Variants in PITPNC1 observed in about 807,000 individuals in gnomAD.
The protein encoded by PITPNC1 is phosphatidylinositol transfer protein cytoplasmic 1, also known as cytoplasmic phosphatidylinositol transfer protein 1.
In PITPNC1, 18 loss-of-function variants were observed where a neutral mutation model predicts 44.7. That is an observed-to-expected ratio of 0.40 (90% CI 0.28 to 0.60). PITPNC1 has a LOEUF of 0.60. PITPNC1 is among the 20% of genes least tolerant of loss of function. The pLI is 0.39. For missense variants in PITPNC1, 290 were observed against 418.4 expected, an observed-to-expected ratio of 0.69 and a Z score of 2.68; for synonymous variants, 141 against 149.6, an observed-to-expected ratio of 0.94 and a Z score of 0.42.
intron 6 of PITPNC1, among the ~76,000 whole-genome samples, chr17:67,647,991 G>A (rs982065055): frequency 3.9e-5 from 6 of 152,202 alleles, no homozygotes; most frequent in Non-Finnish European, 8.8e-5. Flanking sequence ...TGCATTTGGA[G>A]AAACAAAATG....
chr17:67,385,498 C>G (rs569353886), intron 1 of PITPNC1, among the ~76,000 whole-genome samples: 3 of 147,816 alleles, frequency 2.0e-5, no homozygotes, highest in African/African-American at 7.4e-5. Flanking sequence ...TCCCCTCCCC[C>G]CAGGCACCTT....
In PITPNC1 at chr17:67,546,409, T is replaced by C. The variant is rs542556574; in HGVS notation, c.198-5848T>C. Among the ~76,000 whole-genome samples the C allele has an allele frequency of 2.0e-5, 3 of 152,224 alleles. No homozygotes were observed. In the East Asian group the frequency reaches 5.8e-4, roughly 29 times the overall value. On this transcript the variant is annotated intron_variant, in intron 2 of 8. Transcript: ENST00000581322. ...CATGCTATCCTATTCTGTCCCCATCTGAGTACTTAAGGACTTGTGAGGGAC... is the reference window on the plus strand; with the variant it reads ...CATGCTATCCTATTCTGTCCCCATCCGAGTACTTAAGGACTTGTGAGGGAC...
At chr17:67,662,120 A>G (rs991136996) in intron 6 of PITPNC1, among the ~76,000 whole-genome samples, 1 of 152,196 alleles carries the variant, frequency 6.6e-6, no homozygotes, top group African/African-American at 2.4e-5. Context: ...TTAAATGTTT[A>G]TAATATGTCA....
chr17:67,622,472 A>AT (rs762868437), intron 5 of PITPNC1, among the ~76,000 whole-genome samples: 2 of 146,726 alleles, frequency 1.4e-5, no homozygotes, highest in Non-Finnish European at 3.0e-5. Context: ...TCTCAGTGAG[A>AT]TGACCCATAG....
Position 67,695,625 on chromosome 17 carries a change from TATATATAA to T in PITPNC1, c.*2743_*2750del, listed in dbSNP as rs1033437159. ...ACCTGTGTATATATATATATATATA[TATATATAA>T]ATATAAATATAGTATAGTGAATCAG... On this transcript the variant is annotated 3_prime_UTR_variant, in exon 9 of 9. Coordinates refer to ENST00000581322, the MANE Select transcript of PITPNC1 (RefSeq NM_012417.4). The T allele has an allele frequency of 1.4e-4, 20 of 139,204 alleles. 1 individual carries two copies. The East Asian group carries it at 3.4e-3, about 23-fold the overall frequency. 8.6% of individuals were successfully genotyped at this position (139,204 alleles called of 1,614,324 possible).
intron 1 of PITPNC1, among the ~76,000 whole-genome samples, chr17:67,528,185 G>A (rs954106209): frequency 1.2e-4 from 19 of 152,106 alleles, no homozygotes; most frequent in Admixed American, 2.6e-4. Flanking sequence ...GGGATTACAG[G>A]CGTGCACCAC....
At chr17:67,433,316 G>C (rs868708988) in intron 1 of PITPNC1, among the ~76,000 whole-genome samples, 4 of 152,338 alleles carry the variant, frequency 2.6e-5, no homozygotes, top group South Asian at 4.1e-4. Flanking sequence ...CGCGGGCTGC[G>C]GGAGCGAGCC....
rs1381090513 is a variant in PITPNC1, at chr17:67,465,796, G to A, written c.49-67006G>A. Among the ~76,000 whole-genome samples, 5 of 152,122 alleles carry A rather than the reference G, an allele frequency of 3.3e-5. No individual in the cohort carries two copies. The South Asian group carries it at 6.2e-4, about 19-fold the overall frequency. On this transcript the variant is annotated intron_variant, in intron 1 of 8. Transcript: ENST00000581322. ...ATCAACCAAATACTCCCAAAACTTC[G>A]TGGAAGCTTAGCTCCTTGTGCCTTT...
chr17:67,610,587 A>G (rs2041674364), intron 5 of PITPNC1, among the ~76,000 whole-genome samples: 1 of 152,172 alleles, frequency 6.6e-6, no homozygotes. Flanking sequence ...CAGGAGTTAA[A>G]GACCAGCCTG....
Position 67,468,926 on chromosome 17 carries a change from G to A in PITPNC1, c.49-63876G>A, listed in dbSNP as rs547080568. Among the ~76,000 whole-genome samples, 165 of 151,998 alleles carry A rather than the reference G, an allele frequency of 1.1e-3. 1 individual carries two copies. Among genetic ancestry groups the A allele is most frequent in the Non-Finnish European group, 1.3e-3 (87 of 67,960 alleles). ...GTATTTTTAGTAGAGACGAGGTTTCGCCATGTTGGCCAGGCTGGTCTCAAA... is the reference window on the plus strand; with the variant it reads ...GTATTTTTAGTAGAGACGAGGTTTCACCATGTTGGCCAGGCTGGTCTCAAA... On this transcript the variant is annotated intron_variant, in intron 1 of 8. Transcript: ENST00000581322.
intron 8 of PITPNC1, among the ~76,000 whole-genome samples, chr17:67,689,202 CAAAT>C (rs578210521): frequency 2.2e-4 from 33 of 151,668 alleles, no homozygotes; most frequent in South Asian, 1.0e-3. Context: ...AACTCCATCT[CAAAT>C]AAATAAATAA....
chr17:67,516,299 G>C (rs963847670), intron 1 of PITPNC1, among the ~76,000 whole-genome samples: 1 of 152,190 alleles, frequency 6.6e-6, no homozygotes, highest in African/African-American at 2.4e-5. Context: ...GCATGCTGCA[G>C]CTAGACGGGC....
intron 1 of PITPNC1, among the ~76,000 whole-genome samples, chr17:67,494,185 T>TTCTCTTTCTTTCTTTCTTTCTTTC: frequency 4.4e-4 from 45 of 102,496 alleles, no homozygotes; most frequent in South Asian, 4.1e-3. Context: ...CTTTCTTTCT[T>TTCTCTTTCTTTCTTTCTTTCTTTC]TTTCTTTCTT....
intron 4 of PITPNC1, among the ~76,000 whole-genome samples, chr17:67,555,061 G>A (rs1004789304): frequency 6.6e-5 from 10 of 151,744 alleles, no homozygotes; most frequent in Admixed American, 6.6e-5. Context: ...ATTTCCCCCC[G>A]CAATGTCCCT....
chr17:67,608,020 G>A (rs938804569), intron 5 of PITPNC1, among the ~76,000 whole-genome samples: 14 of 151,790 alleles, frequency 9.2e-5, no homozygotes, highest in East Asian at 3.9e-4. Context: ...ATGAGCCACC[G>A]GCCCCGGCCT....
At chr17:67,669,395 C>CTCA in intron 6 of PITPNC1, 113 bp from the exon 7 acceptor site, 3 of 757,698 alleles carry the variant, frequency 4.0e-6, no homozygotes, top group Non-Finnish European at 6.2e-6. Flanking sequence ...GGATTACAGG[C>CTCA]GTGAGCCACC....
At chr17:67,655,263 A>T (rs1303791591) in intron 6 of PITPNC1, among the ~76,000 whole-genome samples, 3 of 152,074 alleles carry the variant, frequency 2.0e-5, no homozygotes, top group Non-Finnish European at 4.4e-5. Context: ...TTTCTTTTAT[A>T]AGAGCACTAA....
At chr17:67,531,187 G>T (rs1366435584) in intron 1 of PITPNC1, among the ~76,000 whole-genome samples, 1 of 152,196 alleles carries the variant, frequency 6.6e-6, no homozygotes, top group Non-Finnish European at 1.5e-5. Flanking sequence ...AGGTTGCAAT[G>T]ATCTGAGATC....
At chr17:67,381,123 C>G (rs560628610) in intron 1 of PITPNC1, among the ~76,000 whole-genome samples, 1 of 151,724 alleles carries the variant, frequency 6.6e-6, no homozygotes, top group African/African-American at 2.4e-5. Context: ...GTCAGGAGAT[C>G]GAGACCATCC....
Sources: allele counts gnomAD v4.1 joint callset (sites outside exome capture counted in the v4.1 genomes callset), GRCh38; gene constraint gnomAD v4.1.1; transcripts MANE v1.5; gene names NCBI Gene and HGNC (gene_info 2026-07-23, HGNC 2026-07-21).